The following SORBS3 variants were observed in gnomAD, a reference collection of about 807,000 sequenced individuals.
SORBS3 encodes the protein sorbin and SH3 domain containing 3.
SORBS3 carries 69 observed loss-of-function variants against 98.0 expected under a neutral mutation model. That is an observed-to-expected ratio of 0.70 (90% CI 0.58 to 0.86). The LOEUF is 0.86. SORBS3 is among the 40% of genes least tolerant of loss of function. SORBS3 has a pLI of 0.00. For synonymous variants in SORBS3, 394 were observed against 355.4 expected, an observed-to-expected ratio of 1.11 and a Z score of -1.22; for missense variants, 954 against 908.5, an observed-to-expected ratio of 1.05 and a Z score of -0.64.
chr8:22,556,987 G>A, intron 4 of SORBS3, 79 bp downstream of exon 4: 1 of 1,516,018 alleles, frequency 6.6e-7, no homozygotes, highest in Non-Finnish European at 9.0e-7. Flanking sequence ...ATTAAAATGG[G>A]GGTGGGGCAA....
At chr8:22,546,967 G>C (rs1350533352), upstream of SORBS3, among the ~76,000 whole-genome samples, 1 of 152,176 alleles carries the variant, frequency 6.6e-6, no homozygotes. Context: ...AGTAGAGGTA[G>C]AAAAGCTAAA....
Position 22,566,663 on chromosome 8 carries a change from C to A in SORBS3, c.1093C>A (p.Pro365Thr). The change falls in exon 14 of 21, where the codon CCT (proline) becomes ACT (threonine). Residue 365 changes from proline to threonine, a missense_variant and splice_region_variant. Physicochemically the swap from Pro to Thr is conservative, Grantham distance 38 (BLOSUM62 -1). Transcript: ENST00000240123. ...GCTGAGGTTGTGCTTCTCCACAGAC[C>A]CTAGTGCCTCTAACGGAGGGGGCAG... is the stretch of plus-strand genomic sequence containing the variant. Reference protein sequence around the residue: ...DFVYPSSTRDPSASNGGGSPA... With the variant: ...DFVYPSSTRDTSASNGGGSPA... The A allele has an allele frequency of 6.2e-7, 1 of 1,607,468 alleles. No individual in the cohort carries two copies. The highest frequency in any genetic ancestry group is 8.5e-7 in the Non-Finnish European group (1 of 1,178,018).
At chr8:22,548,825 G>A (rs773116640), upstream of SORBS3, among the ~76,000 whole-genome samples, 5 of 152,080 alleles carry the variant, frequency 3.3e-5, no homozygotes, top group Admixed American at 6.5e-5. Context: ...TGCCCACCCC[G>A]CTCACCCCGC....
At chr8:22,566,211 G>A in intron 12 of SORBS3, 134 bp from the exon 13 acceptor site, 3 of 1,181,328 alleles carry the variant, frequency 2.5e-6, no homozygotes, top group Non-Finnish European at 3.5e-6. Context: ...ATCCTGTGGA[G>A]AGCCCAGGAC....
intron 3 of SORBS3, among the ~76,000 whole-genome samples, chr8:22,556,322 C>T (rs1293574657): frequency 6.6e-6 from 1 of 152,124 alleles, no homozygotes; most frequent in East Asian, 1.9e-4. Flanking sequence ...ACTGATGTAC[C>T]CCAGGCCATG....
intron 10 of SORBS3, 131 bp from the exon 11 acceptor site, chr8:22,565,137 G>T (rs1451078544): frequency 6.8e-7 from 1 of 1,474,270 alleles, no homozygotes; most frequent in East Asian, 2.6e-5. Flanking sequence ...CAGGAGCCCG[G>T]CCCGTGCGCT....
chr8:22,546,364 T>TC (rs1189266879), intron 1 of SORBS3, among the ~76,000 whole-genome samples: 1 of 152,200 alleles, frequency 6.6e-6, no homozygotes, highest in Non-Finnish European at 1.5e-5. Flanking sequence ...AAGCCTGGCT[T>TC]TTGATGTCTG....
At chr8:22,558,059 A>G in intron 4 of SORBS3, 70 bp from the exon 5 acceptor site, 1 of 1,520,324 alleles carries the variant, frequency 6.6e-7, no homozygotes, top group Non-Finnish European at 9.1e-7. Context: ...CACTAGGGAA[A>G]GATTTTTGTG....
At chr8:22,555,601 C>T (rs541217874) in intron 3 of SORBS3, among the ~76,000 whole-genome samples, 174 of 151,980 alleles carry the variant, frequency 1.1e-3, no homozygotes, top group African/African-American at 4.1e-3. Context: ...TTAAAACACA[C>T]ACACACTGAG....
upstream of SORBS3, chr8:22,551,895 G>C (rs955723182): frequency 2.5e-5 from 25 of 985,074 alleles, no homozygotes; most frequent in East Asian, 1.1e-4. The surrounding 1 kb of genome is among the most constrained non-coding windows in gnomAD (Gnocchi z 5.8). Context: ...ACCCGGTCAC[G>C]AGGGCCGCGA....
rs1285335106 is a variant in SORBS3 at position 22,571,156 on chromosome 8, G to A, written c.1678G>A (p.Gly560Arg). 36 of 1,591,850 alleles carry A rather than the reference G, an allele frequency of 2.3e-5. No individual in the cohort carries two copies. The highest frequency in any genetic ancestry group is 3.0e-5 in the Non-Finnish European group (35 of 1,171,208). Reference protein sequence around the residue: ...RSPADPIDLGGQTSPRRTGFS... With the variant: ...RSPADPIDLGRQTSPRRTGFS... ...CCCAGCTGACCCCATCGACTTGGGGGGACAGACCTCCCCCCGTCGCACTGG... is the reference window on the plus strand; with the variant it reads ...CCCAGCTGACCCCATCGACTTGGGGAGACAGACCTCCCCCCGTCGCACTGG... The change falls in exon 18 of 21, where the codon GGA (glycine) becomes AGA (arginine). Residue 560 changes from glycine to arginine, a missense_variant. Transcript: ENST00000240123.
At chr8:22,552,817 C>G (rs539937232) in intron 1 of SORBS3, among the ~76,000 whole-genome samples, 1 of 152,074 alleles carries the variant, frequency 6.6e-6, no homozygotes, top group Admixed American at 6.5e-5. Context: ...TGCCTCAACT[C>G]CCCCCCGCAA....
At position 22,566,862 on chromosome 8, in the gene SORBS3, C is replaced by T. The variant is rs377722606; in HGVS notation, c.1184C>T (p.Ser395Phe). ...CTCAAGTTTGACTTCCAGGCGCAGT[C>T]CCCCAAGTAAGCGCCCTCCTCCCCC... Reference protein sequence around the residue: ...ARLKFDFQAQSPKELTLQKGD... With the variant: ...ARLKFDFQAQFPKELTLQKGD... The change falls in exon 15 of 21, where the codon TCC (serine) becomes TTC (phenylalanine). Residue 395 changes from serine to phenylalanine, a missense_variant. Ser to Phe is a radical substitution (Grantham distance 155). Coordinates refer to ENST00000240123, the MANE Select transcript of SORBS3 (RefSeq NM_005775.5). 6 of 1,611,304 alleles carry T rather than the reference C, an allele frequency of 3.7e-6. No homozygotes were observed. The African/African-American group carries it at 5.3e-5, about 14-fold the overall frequency.
intron 1 of SORBS3, among the ~76,000 whole-genome samples, chr8:22,546,639 T>C (rs1840018870): frequency 6.6e-6 from 1 of 152,208 alleles, no homozygotes; most frequent in African/African-American, 2.4e-5. Context: ...AAAACATACA[T>C]TGTTTACCAA....
chr8:22,563,844 C>T, intron 7 of SORBS3, 143 bp from the exon 8 acceptor site: 2 of 655,768 alleles, frequency 3.0e-6, no homozygotes, highest in Non-Finnish European at 5.4e-6. Flanking sequence ...ACAGTTTAAT[C>T]TTGCTTCCAG....
Position 22,554,081 on chromosome 8 carries a change from C to T in SORBS3, c.-55-371C>T, listed in dbSNP as rs552541925. ...TGTTCCCAGGCCCCCTCTCTGCCGG[C>T]TGCCCCACTTCCCCTGCGCCTTCCC... On this transcript the variant is annotated intron_variant, in intron 1 of 20. Transcript: ENST00000240123. The surrounding 1 kb of genome is among the most constrained non-coding windows in gnomAD (Gnocchi z 6.5). 1.3e-5 allele frequency among the ~76,000 whole-genome samples: 2 copies of T among 152,312 alleles called. No individual in the cohort carries two copies. Among genetic ancestry groups the T allele is most frequent in the South Asian group, 4.1e-4 (2 of 4,832 alleles).
intron 6 of SORBS3, 100 bp from the exon 7 acceptor site, chr8:22,561,765 G>A (rs771641646): frequency 2.8e-6 from 3 of 1,060,410 alleles, no homozygotes; most frequent in Non-Finnish European, 4.4e-6. Context: ...GAGCAAGGGG[G>A]TGGTGCTGAA....
chr8:22,574,591 A>AG, intron 20 of SORBS3, 76 bp from the exon 21 acceptor site: 3 of 1,440,534 alleles, frequency 2.1e-6, no homozygotes, highest in East Asian at 2.3e-5. Flanking sequence ...CACTGCCGGC[A>AG]GGGGGCAGGC....
In SORBS3 at chr8:22,561,859, C is replaced by A; in HGVS notation, c.518-6C>A. The stretch of plus-strand genomic sequence containing the variant: ...TCAATGCTTTCCTCGTGTACCTCCT[C>A]TGCAGACCCCAGGCATCTAGGAGCC... On this transcript the variant is annotated splice_region_variant and splice_polypyrimidine_tract_variant and intron_variant, in intron 6 of 20. Transcript: ENST00000240123. 1 of 1,614,008 alleles carries A rather than the reference C, an allele frequency of 6.2e-7. No homozygotes were observed. The highest frequency in any genetic ancestry group is 8.5e-7 in the Non-Finnish European group (1 of 1,179,844).
Sources: allele counts gnomAD v4.1 joint callset (sites outside exome capture counted in the v4.1 genomes callset), GRCh38; gene constraint gnomAD v4.1.1; non-coding constraint Gnocchi (gnomAD v3.1); transcripts MANE v1.5; gene names NCBI Gene and HGNC (gene_info 2026-07-23, HGNC 2026-07-21).